RTEL1: variants seen among roughly 807,000 people sequenced by gnomAD.
RTEL1 encodes regulator of telomere length.
A neutral mutation model predicts 162.2 loss-of-function variants in RTEL1; 86 were observed. The observed-to-expected ratio is 0.53, with a 90% CI of 0.45 to 0.63. RTEL1 has a LOEUF of 0.63. RTEL1 is among the 30% of genes least tolerant of loss of function. RTEL1 has a pLI of 0.00. For synonymous variants in RTEL1, 958 were observed against 717.9 expected (o/e 1.33, Z -5.35); for missense variants, 1,941 against 1,750.2 (o/e 1.11, Z -1.95).
chr20:63,661,581 G>A lies in RTEL1; in HGVS notation c.301+85G>A. On this transcript the variant is annotated intron_variant, in intron 3 of 34. Coordinates refer to ENST00000360203, the MANE Select transcript of RTEL1 (RefSeq NM_001283009.2). This position sits in a 1 kb window ranked among gnomAD's most constrained non-coding sequence, Gnocchi z 5.1. The stretch of plus-strand genomic sequence containing the variant: ...GCTGAGGGTGGGGTGGGCCCATGGG[G>A]ACTCCTGCCGTCTCTCAAGCAGAAC... 3.0e-6 allele frequency: 4 copies of A among 1,317,118 alleles called. No individual in the cohort carries two copies. The highest frequency in any genetic ancestry group is 4.2e-6 in the Non-Finnish European group (4 of 958,808). 81.6% of individuals were successfully genotyped at this position (1,317,118 alleles called of 1,614,324 possible). A position where few individuals can be genotyped will look rare whatever the true frequency, so the allele number is the denominator to read the frequency against.
intron 12 of RTEL1, among the ~76,000 whole-genome samples, 199 bp from the exon 13 acceptor site, chr20:63,679,650 C>T (rs967018978): frequency 7.2e-5 from 11 of 152,174 alleles, no homozygotes; most frequent in African/African-American, 2.4e-4. Context: ...GGGAAGGAAA[C>T]TTCCACAGTT....
intron 26 of RTEL1, 54 bp downstream of exon 26, chr20:63,690,495 TG>T: frequency 1.7e-6 from 1 of 594,924 alleles, no homozygotes. Flanking sequence ...GCGGGCGGCG[TG>T]GGGCGGGCAG....
chr20:63,689,975 G>A (rs2090691537), intron 24 of RTEL1, 110 bp downstream of exon 24: 20 of 1,553,446 alleles, frequency 1.3e-5, no homozygotes, highest in East Asian at 2.3e-5. Flanking sequence ...GAGCCTCTCC[G>A]GCTACTCGGG....
chr20:63,694,247 C>G, intron 30 of RTEL1, 125 bp from the exon 31 acceptor site: 1 of 800,474 alleles, frequency 1.2e-6, no homozygotes. Flanking sequence ...GTGTACCTGC[C>G]TGGGTTTTCC....
At chr20:63,689,678 A>G (rs1381104724) in intron 23 of RTEL1, 30 bp downstream of exon 23, 1 of 1,606,942 alleles carries the variant, frequency 6.2e-7, no homozygotes, top group East Asian at 2.2e-5. Context: ...GGCTGGGGTA[A>G]GGCGGTCTGG....
chr20:63,687,512 G>C (rs1258517581), intron 16 of RTEL1, 126 bp from the exon 17 acceptor site: 2 of 1,113,518 alleles, frequency 1.8e-6, no homozygotes, highest in Non-Finnish European at 2.5e-6. Flanking sequence ...AGTGGGCCTG[G>C]GTGGCTGCCC....
At chr20:63,680,092 G>A (rs1388566201) in intron 13 of RTEL1, 146 bp downstream of exon 13, 27 of 624,088 alleles carry the variant, frequency 4.3e-5, no homozygotes, top group Admixed American at 8.8e-5. Flanking sequence ...TGATCGGGGC[G>A]TGGAGGCGTT....
At position 63,695,659 on chromosome 20, in the gene RTEL1, C is replaced by T. The variant is rs755701337; in HGVS notation, c.3822+9C>T. The stretch of plus-strand genomic sequence containing the variant: ...GGCAACGGCACCTTCAGGTTGGTGC[C>T]TGGCCACTACAGTTCCTGCTGGGTG... On this transcript the variant is annotated intron_variant, in intron 34 of 34. Transcript: ENST00000360203. The T allele has an allele frequency of 6.2e-6, 10 of 1,610,866 alleles. No homozygotes were observed. The highest frequency in any genetic ancestry group is 1.6e-4 in the Middle Eastern group (1 of 6,078).
intron 7 of RTEL1, among the ~76,000 whole-genome samples, chr20:63,667,098 C>G (rs895250824): frequency 6.6e-6 from 1 of 152,168 alleles, no homozygotes; most frequent in South Asian, 2.1e-4. Context: ...CTCGGCCTCC[C>G]AAAGTGCTGG....
At chr20:63,681,018 AG>A (rs1279668814) in intron 14 of RTEL1, 2 of 985,266 alleles carry the variant, frequency 2.0e-6, no homozygotes, top group African/African-American at 1.7e-5. Flanking sequence ...CCCTCAGGCC[AG>A]GGGGGACCCA....
At chr20:63,682,776 C>T in intron 14 of RTEL1, 1 of 823,354 alleles carries the variant, frequency 1.2e-6, no homozygotes. Context: ...ATGCACAGCT[C>T]AGCTGGAGGC....
chr20:63,680,733 C>T lies in RTEL1; in HGVS notation c.1191+14C>T, dbSNP rs763740314. The T allele has an allele frequency of 2.5e-6, 4 of 1,613,160 alleles. No homozygotes were observed. Among genetic ancestry groups the T allele is most frequent in the Non-Finnish European group, 3.4e-6 (4 of 1,179,934 alleles). ...GACATTATCCAGGTGGGGCCTGCTC[C>T]TCTGTGGCATCTCCTTCCCTGATGG... On this transcript the variant is annotated intron_variant, in intron 14 of 34. Coordinates refer to ENST00000360203, the MANE Select transcript of RTEL1 (RefSeq NM_001283009.2).
rs779562019 is a variant in RTEL1, at chr20:63,688,556, C to T, written c.1751C>T (p.Ala584Val). The change falls in exon 21 of 35, where the codon GCG (alanine) becomes GTG (valine). Residue 584 changes from alanine to valine, a missense_variant. Ala to Val is a moderately conservative substitution (Grantham distance 64). Transcript: ENST00000360203. ...RARDLARKME[A>V]LKPLFVEPRS... ...CGCGACTTGGCCAGGAAGATGGAGG[C>T]GCTGAAGCCGCTGTTTGTGGAGCCC... The T allele has an allele frequency of 5.6e-6, 9 of 1,610,194 alleles. No individual in the cohort carries two copies. Among genetic ancestry groups the T allele is most frequent in the South Asian group, 5.5e-5 (5 of 90,732 alleles).
Position 63,668,946 on chromosome 20 carries a change from G to A in RTEL1, c.699+1393G>A, listed in dbSNP as rs1448900192. On this transcript the variant is annotated intron_variant, in intron 8 of 34. Transcript: ENST00000360203. The surrounding 1 kb of genome is among the most constrained non-coding windows in gnomAD (Gnocchi z 4.3). ...GCTCAGGCACAGGCCTGCAGGCCAT[G>A]GAGAAGGCAGCAAGCTCAAGCTGAC... Among the ~76,000 whole-genome samples the A allele has an allele frequency of 6.6e-6, 1 of 152,212 alleles. No homozygotes were observed. Among genetic ancestry groups the A allele is most frequent in the East Asian group, 1.9e-4 (1 of 5,200 alleles).
intron 15 of RTEL1, 43 bp from the exon 16 acceptor site, chr20:63,685,748 G>C (rs747494125): frequency 6.2e-7 from 1 of 1,601,138 alleles, no homozygotes; most frequent in Non-Finnish European, 8.5e-7. Context: ...CTGCCCCCAG[G>C]ACATGGGCGG....
chr20:63,683,703 C>G (rs2090526053), intron 14 of RTEL1, among the ~76,000 whole-genome samples: 1 of 152,192 alleles, frequency 6.6e-6, no homozygotes, highest in South Asian at 2.1e-4. Context: ...GCTTGGCTGA[C>G]ATGGCCACAT....
At chr20:63,675,265 T>C (rs1272682424) in intron 10 of RTEL1, among the ~76,000 whole-genome samples, 2 of 152,216 alleles carry the variant, frequency 1.3e-5, no homozygotes, top group African/African-American at 2.4e-5. Context: ...TGTGAATATC[T>C]TCATAGGTTC....
At chr20:63,660,983 G>A (rs1239786886) in intron 2 of RTEL1, among the ~76,000 whole-genome samples, 3 of 152,234 alleles carry the variant, frequency 2.0e-5, no homozygotes, top group South Asian at 2.1e-4. Flanking sequence ...ATCCAGAAAC[G>A]CAGAACAGTT....
intron 6 of RTEL1, 117 bp from the exon 7 acceptor site, chr20:63,665,887 T>C: frequency 1.1e-6 from 1 of 870,766 alleles, no homozygotes; most frequent in Non-Finnish European, 1.8e-6. Flanking sequence ...TCACGGTTGG[T>C]GGGGGACGCC....
Sources: allele counts gnomAD v4.1 joint callset (sites outside exome capture counted in the v4.1 genomes callset), GRCh38; gene constraint gnomAD v4.1.1; non-coding constraint Gnocchi (gnomAD v3.1); transcripts MANE v1.5; gene names NCBI Gene and HGNC (gene_info 2026-07-23, HGNC 2026-07-21).